The following SNX29 variants were observed in gnomAD, a reference collection of about 807,000 sequenced individuals.
SNX29 encodes the protein sorting nexin-29.
SNX29 carries 78 observed loss-of-function variants against 102.1 expected under a neutral mutation model. The observed-to-expected ratio is 0.76, with a 90% CI of 0.64 to 0.92. The LOEUF (loss-of-function observed/expected upper bound fraction) is 0.92. Ranked by LOEUF, SNX29 falls within the 40% of genes least tolerant of loss-of-function variation. SNX29 has a pLI of 0.00. For missense variants in SNX29, 1,280 were observed against 1,061.7 expected (o/e 1.21, Z -2.86); for synonymous variants, 580 against 414.5 (o/e 1.40, Z -4.85).
intron 18 of SNX29, among the ~76,000 whole-genome samples, chr16:12,449,857 A>G (rs981563946): frequency 1.3e-5 from 2 of 152,166 alleles, no homozygotes; most frequent in Admixed American, 1.3e-4. Flanking sequence ...TGTACATTTG[A>G]CAATGTTTTT....
At chr16:12,047,160 T>C (rs2662829) in intron 6 of SNX29, among the ~76,000 whole-genome samples, 47,085 of 152,012 alleles carry the variant, frequency 0.31, 8,455 homozygotes, top group African/African-American at 0.49. Context: ...GTCATCTTCA[T>C]GGGGCTGTGA....
intron 19 of SNX29, among the ~76,000 whole-genome samples, chr16:12,503,006 T>C (rs1161577017): frequency 6.6e-6 from 1 of 152,222 alleles, no homozygotes; most frequent in East Asian, 1.9e-4. Flanking sequence ...CTGCCTTTTT[T>C]CCCTAATCCC....
At chr16:12,042,840 C>T in intron 4 of SNX29, 57 bp from the exon 5 acceptor site, 6 of 1,537,416 alleles carry the variant, frequency 3.9e-6, no homozygotes, top group Non-Finnish European at 5.3e-6. Context: ...GTGTGTTCCT[C>T]TCCCAGTGCT....
chr16:12,188,181 A>G (rs2076558620), intron 13 of SNX29, among the ~76,000 whole-genome samples: 1 of 152,330 alleles, frequency 6.6e-6, no homozygotes, highest in South Asian at 2.1e-4. Context: ...CTAACCGCTA[A>G]CATTTATTTA....
intron 18 of SNX29, among the ~76,000 whole-genome samples, chr16:12,429,017 G>C (rs1411760644): frequency 6.6e-6 from 1 of 152,114 alleles, no homozygotes; most frequent in Admixed American, 6.5e-5. Flanking sequence ...ACATAGATAC[G>C]ATTGCAATTA....
intron 11 of SNX29, among the ~76,000 whole-genome samples, chr16:12,094,837 C>T (rs1363915730): frequency 6.6e-6 from 1 of 152,068 alleles, no homozygotes; most frequent in Middle Eastern, 3.2e-3. Flanking sequence ...GGGCCGTTTT[C>T]CAGGAACCGT....
chr16:12,391,466 G>A (rs1182468327), intron 16 of SNX29, among the ~76,000 whole-genome samples: 1 of 152,154 alleles, frequency 6.6e-6, no homozygotes, highest in Non-Finnish European at 1.5e-5. Context: ...TTCCAGCATG[G>A]TGGAACAAAA....
intron 14 of SNX29, among the ~76,000 whole-genome samples, chr16:12,235,031 T>G (rs1043840697): frequency 6.6e-6 from 1 of 152,272 alleles, no homozygotes; most frequent in Non-Finnish European, 1.5e-5. Flanking sequence ...TCTCTCTCTG[T>G]CTTTGGCTTT....
At chr16:12,559,652 A>G (rs1157948735) in intron 20 of SNX29, among the ~76,000 whole-genome samples, 1 of 152,108 alleles carries the variant, frequency 6.6e-6, no homozygotes, top group African/African-American at 2.4e-5. Context: ...TGTAAGCCAC[A>G]TTCTGCTTCT....
At chr16:12,341,600 A>G (rs1433270220) in intron 15 of SNX29, among the ~76,000 whole-genome samples, 1 of 152,262 alleles carries the variant, frequency 6.6e-6, no homozygotes, top group Non-Finnish European at 1.5e-5. Context: ...TCTGCTCCAC[A>G]TAATGACTCA....
chr16:12,483,114 G>GTTTTTTTTTTTTTTTTTT lies in SNX29; in HGVS notation c.2178+5267_2178+5284dup, dbSNP rs574090459. Among the ~76,000 whole-genome samples the GTTTTTTTTTTTTTTTTTT allele has an allele frequency of 3.3e-4, 22 of 66,210 alleles. 3 individuals carry two copies. Among genetic ancestry groups the GTTTTTTTTTTTTTTTTTT allele is most frequent in the African/African-American group, 4.2e-4 (7 of 16,478 alleles). 43.4% of individuals were successfully genotyped at this position (66,210 alleles called of 152,430 possible). A position where few individuals can be genotyped will look rare whatever the true frequency, so the allele number is the denominator to read the frequency against. On this transcript the variant is annotated intron_variant, in intron 19 of 20. Coordinates refer to ENST00000566228, the MANE Select transcript of SNX29 (RefSeq NM_032167.5). ...AATAGATACATATTGAAGTTATTAAGTTTTTTTTTTTTTTTTTTTTTTTTT... is the reference window on the plus strand; with the variant it reads ...AATAGATACATATTGAAGTTATTAAGTTTTTTTTTTTTTTTTTTTTTTTTTTTTTTTTTTTTTTTTTTT...
intron 18 of SNX29, among the ~76,000 whole-genome samples, chr16:12,432,303 G>C (rs1351262397): frequency 6.6e-6 from 1 of 152,174 alleles, no homozygotes; most frequent in Non-Finnish European, 1.5e-5. Flanking sequence ...ACTTGACCCT[G>C]GTTCTCCAGA....
intron 14 of SNX29, among the ~76,000 whole-genome samples, chr16:12,225,319 C>G (rs994823752): frequency 6.6e-6 from 1 of 152,080 alleles, no homozygotes; most frequent in Non-Finnish European, 1.5e-5. Context: ...CAAATCTCAT[C>G]TTGGATTGTA....
intron 20 of SNX29, among the ~76,000 whole-genome samples, chr16:12,558,192 C>G (rs549248499): frequency 6.7e-6 from 1 of 149,884 alleles, no homozygotes; most frequent in South Asian, 2.1e-4. Flanking sequence ...TTAATAATTA[C>G]GGTTTACTCC....
At chr16:12,006,273 T>C (rs1323027424) in intron 3 of SNX29, among the ~76,000 whole-genome samples, 1 of 151,654 alleles carries the variant, frequency 6.6e-6, no homozygotes, top group African/African-American at 2.4e-5. Context: ...CCCAGCACTT[T>C]GGGAGGCTGA....
Position 12,364,431 on chromosome 16 carries a change from T to C in SNX29, c.1899+8152T>C, listed in dbSNP as rs77716680. ...CTCTCTTCTTCTTTTTTTTTTTTTTTACTGTGAGTATTTTTAGGACTCTTA... is the reference window on the plus strand; with the variant it reads ...CTCTCTTCTTCTTTTTTTTTTTTTTCACTGTGAGTATTTTTAGGACTCTTA... On this transcript the variant is annotated intron_variant, in intron 16 of 20. Coordinates refer to ENST00000566228, the MANE Select transcript of SNX29 (RefSeq NM_032167.5). Among the ~76,000 whole-genome samples the C allele has an allele frequency of 3.0e-3, 457 of 151,542 alleles. 5 individuals carry two copies. The highest frequency in any genetic ancestry group is 0.011 in the African/African-American group (439 of 41,312).
At chr16:12,392,679 T>G (rs146439769) in intron 16 of SNX29, among the ~76,000 whole-genome samples, 1 of 152,332 alleles carries the variant, frequency 6.6e-6, no homozygotes, top group East Asian at 1.9e-4. Context: ...AAATAAAAAT[T>G]CTTTAAAGCT....
chr16:12,002,245 C>A (rs2056314552), intron 2 of SNX29, among the ~76,000 whole-genome samples: 1 of 151,884 alleles, frequency 6.6e-6, no homozygotes. Context: ...GTCGGGAGTT[C>A]AAGACCAGCC....
chr16:12,169,688 T>G (rs1045326434), intron 13 of SNX29, among the ~76,000 whole-genome samples: 2 of 152,080 alleles, frequency 1.3e-5, no homozygotes, highest in South Asian at 4.1e-4. Context: ...GGTGAAATGC[T>G]ATCTGTACTA....
Sources: allele counts gnomAD v4.1 joint callset (sites outside exome capture counted in the v4.1 genomes callset), GRCh38; gene constraint gnomAD v4.1.1; transcripts MANE v1.5; gene names NCBI Gene and HGNC (gene_info 2026-07-23, HGNC 2026-07-21).